Variants in AVEN observed in about 807,000 individuals in gnomAD.
AVEN encodes cell death regulator Aven.
Under a neutral mutation model 38.1 loss-of-function variants are expected in AVEN, and 41 were observed. The observed-to-expected ratio is 1.08, with a 90% CI of 0.84 to 1.40. AVEN has a LOEUF of 1.40. Among genes scored for constraint, AVEN ranks in the 40% most tolerant of loss-of-function variants. AVEN has a pLI of 0.00. For missense variants in AVEN, 605 were observed against 438.8 expected (o/e 1.38, Z -3.38); for synonymous variants, 206 against 171.8 (o/e 1.20, Z -1.56).
intron 1 of AVEN, among the ~76,000 whole-genome samples, chr15:34,025,704 G>C (rs747612858): frequency 6.6e-6 from 1 of 151,852 alleles, no homozygotes; most frequent in Non-Finnish European, 1.5e-5. Context: ...CCGCTCAAAG[G>C]TTCAGAAGAA....
At chr15:33,920,441 T>C (rs946453327) in intron 2 of AVEN, among the ~76,000 whole-genome samples, 1 of 152,228 alleles carries the variant, frequency 6.6e-6, no homozygotes, top group African/African-American at 2.4e-5. Flanking sequence ...TTTGTCTTTT[T>C]GAGGCTGGCT....
At chr15:33,992,767 G>A (rs1236528195) in intron 2 of AVEN, among the ~76,000 whole-genome samples, 2 of 152,204 alleles carry the variant, frequency 1.3e-5, no homozygotes, top group South Asian at 2.1e-4. Context: ...GGCTGCTAGA[G>A]TAATATCCTT....
intron 2 of AVEN, among the ~76,000 whole-genome samples, chr15:33,998,344 G>A (rs1053921206): frequency 1.3e-5 from 2 of 152,084 alleles, no homozygotes; most frequent in Non-Finnish European, 2.9e-5. Flanking sequence ...TGTCTTAACT[G>A]GCCAAGCATA....
intron 2 of AVEN, among the ~76,000 whole-genome samples, chr15:33,930,725 G>C (rs912791854): frequency 2.6e-5 from 4 of 152,158 alleles, no homozygotes; most frequent in Admixed American, 2.0e-4. Flanking sequence ...GGAGGCCGAG[G>C]CAGGAGGATC....
chr15:33,863,327 A>G (rs1889191845), downstream of AVEN, among the ~76,000 whole-genome samples: 1 of 152,240 alleles, frequency 6.6e-6, no homozygotes. Context: ...GCGGAAAGGC[A>G]GTGAACATAC....
intron 2 of AVEN, among the ~76,000 whole-genome samples, chr15:33,927,578 C>G (rs1164401523): frequency 6.6e-6 from 1 of 152,052 alleles, no homozygotes; most frequent in Non-Finnish European, 1.5e-5. Flanking sequence ...GCTAACAGAA[C>G]AAGCTTCAGG....
intron 2 of AVEN, among the ~76,000 whole-genome samples, chr15:34,001,733 C>A (rs1897145986): frequency 6.6e-6 from 1 of 152,164 alleles, no homozygotes; most frequent in African/African-American, 2.4e-5. Context: ...GTGCTCCTGA[C>A]TCACAATTTT....
intron 2 of AVEN, among the ~76,000 whole-genome samples, chr15:33,877,304 T>A (rs7177583): frequency 6.6e-6 from 1 of 152,164 alleles, no homozygotes; most frequent in South Asian, 2.1e-4. Context: ...ATCTAACATT[T>A]TTTTAAAAAG....
At chr15:33,867,878 G>A (rs755246870) in intron 4 of AVEN, 23 bp from the exon 5 acceptor site, 2 of 1,535,288 alleles carry the variant, frequency 1.3e-6, no homozygotes, top group Non-Finnish European at 1.7e-6. Context: ...TATAAAAACT[G>A]AGTTAAAAAT....
chr15:33,911,592 C>T (rs1892921394), intron 2 of AVEN, among the ~76,000 whole-genome samples: 1 of 152,126 alleles, frequency 6.6e-6, no homozygotes, highest in Non-Finnish European at 1.5e-5. Context: ...ATGCTGGGCT[C>T]TCCCAGGGTC....
chr15:33,858,179 CA>C (rs1484305822), downstream of AVEN: 1 of 406,654 alleles, frequency 2.5e-6, no homozygotes, highest in Non-Finnish European at 4.4e-6. Flanking sequence ...CGTCATCATT[CA>C]TCTATTTCCG....
rs1567495328 is a variant in AVEN, at chr15:34,064,473, G to A, written n.1127-1041C>T. ...GCTCAAGTTTGGTTGCCAAATGGAA[G>A]GGGCCATAGCTGCAGCAATTGCTGA... On this transcript the variant is annotated intron_variant and non_coding_transcript_variant, in intron 4 of 11. Transcript: ENST00000675287. 8 of 847,618 alleles carry A rather than the reference G, an allele frequency of 9.4e-6. No homozygotes were observed. The East Asian group carries it at 2.1e-4, about 23-fold the overall frequency. 52.5% of individuals were successfully genotyped at this position (847,618 alleles called of 1,614,324 possible).
At position 33,932,838 on chromosome 15, in the gene AVEN, C is replaced by CAAACAAAT. The variant is rs1555508058; in HGVS notation, c.446-56844_446-56843insATTTGTTT. ...AAGACTCCATCACAAAATAAACAAACAAATAAATAAATAAATAAATAAATA... is the reference window on the plus strand; with the variant it reads ...AAGACTCCATCACAAAATAAACAAACAAACAAATAAATAAATAAATAAATAAATAAATA... On this transcript the variant is annotated intron_variant, in intron 2 of 5. Transcript: ENST00000306730. 5.4e-3 allele frequency among the ~76,000 whole-genome samples: 792 copies of CAAACAAAT among 147,102 alleles called. 7 individuals carry two copies. Among genetic ancestry groups the CAAACAAAT allele is most frequent in the African/African-American group, 0.019 (763 of 39,986 alleles).
At chr15:33,904,716 T>TACACACACACACACACACACAC (rs371204081) in intron 2 of AVEN, among the ~76,000 whole-genome samples, 19 of 143,278 alleles carry the variant, frequency 1.3e-4, no homozygotes, top group East Asian at 6.1e-4. Context: ...TATATATATA[T>TACACACACACACACACACACAC]ACACACACAC....
rs747117443 is a variant in AVEN at position 34,003,222 on chromosome 15, G to C, written c.268-13C>G. ...TGTCATCTTCAACCTGCAATCATTA[G>C]AGACAAATCAATAAGTAAGCAGTGG... On this transcript the variant is annotated splice_polypyrimidine_tract_variant and intron_variant, in intron 1 of 5. Coordinates refer to ENST00000306730, the MANE Select transcript of AVEN (RefSeq NM_020371.3). 2 of 1,611,810 alleles carry C rather than the reference G, an allele frequency of 1.2e-6. No individual in the cohort carries two copies. The highest frequency in any genetic ancestry group is 8.5e-7 in the Non-Finnish European group (1 of 1,179,320).
chr15:34,054,667 C>T lies in AVEN; in HGVS notation n.1637+8255G>A, dbSNP rs538696976. Among the ~76,000 whole-genome samples the T allele has an allele frequency of 2.0e-5, 3 of 152,258 alleles. No homozygotes were observed. In the East Asian group the frequency reaches 5.8e-4, roughly 29 times the overall value. ...CAAGGGCACATCCAGGGAAACAACA[C>T]ACACTGGAGCCTGTGGGGGTGAGGG... is the stretch of plus-strand genomic sequence containing the variant. On this transcript the variant is annotated intron_variant and non_coding_transcript_variant, in intron 5 of 11. Transcript: ENST00000675287.
chr15:33,947,665 C>T (rs1350017092), intron 2 of AVEN, among the ~76,000 whole-genome samples: 1 of 152,002 alleles, frequency 6.6e-6, no homozygotes. Flanking sequence ...AACATAAATG[C>T]TATGTAAATA....
intron 2 of AVEN, among the ~76,000 whole-genome samples, chr15:33,904,783 C>G (rs1348082208): frequency 4.6e-5 from 7 of 150,828 alleles, no homozygotes; most frequent in Non-Finnish European, 8.8e-5. Context: ...ATCTGTTGTT[C>G]TTTATAATGA....
At chr15:33,869,096 T>C (rs1402662545) in intron 4 of AVEN, among the ~76,000 whole-genome samples, 1 of 152,144 alleles carries the variant, frequency 6.6e-6, no homozygotes, top group South Asian at 2.1e-4. Context: ...TGGCTTTATA[T>C]ACAAACAGGA....
Sources: gnomAD v4.1 joint callset for allele counts (sites outside exome capture counted in the v4.1 genomes callset) on GRCh38, gnomAD v4.1.1 for gene constraint, MANE v1.5 for transcripts, NCBI Gene and HGNC (gene_info 2026-07-23, HGNC 2026-07-21) for gene names.